Variants in KIF1A observed in about 807,000 individuals in gnomAD.
The protein encoded by KIF1A is kinesin-like protein KIF1A.
A neutral mutation model predicts 227.3 loss-of-function variants in KIF1A; 46 were observed. That is an observed-to-expected ratio of 0.20 (90% CI 0.16 to 0.26). The LOEUF is 0.26. Ranked by LOEUF, KIF1A falls within the 10% of genes least tolerant of loss-of-function variation. The probability of loss-of-function intolerance (pLI) is 1.00; values close to 1 mark genes in which losing one functional copy is unlikely to be tolerated. For synonymous variants in KIF1A, 1,022 were observed against 1,012.8 expected (o/e 1.01, Z -0.17); for missense variants, 1,683 against 2,485.9 (o/e 0.68, Z 6.87).
In KIF1A at chr2:240,725,293, C is replaced by T. The variant is rs926294483; in HGVS notation, c.4234G>A (p.Gly1412Arg). The T allele has an allele frequency of 6.2e-7, 1 of 1,607,338 alleles. No homozygotes were observed. The highest frequency in any genetic ancestry group is 8.5e-7 in the Non-Finnish European group (1 of 1,177,556). Reference protein sequence around the residue: ...SRSIRNLFGSGSLRASESNRV... With the variant: ...SRSIRNLFGSRSLRASESNRV... ...TACCTCTCTGAGGCCCGAAGGCTCC[C>T]ACTGCCAAAGAGGTTGCGGATGGAG... Residue 1412 changes from glycine to arginine, a missense_variant, in exon 40 of 49, where the codon GGG (glycine) becomes AGG (arginine). Gly to Arg is a moderately radical substitution (Grantham distance 125). This residue lies in a region of KIF1A where 759 missense variants were observed against 1,020.2 expected (regional missense o/e 0.74). Transcript: ENST00000498729. This position sits in a 1 kb window ranked among gnomAD's most constrained non-coding sequence, Gnocchi z 5.8.
chr2:240,722,763 C>T (rs2045558566), intron 42 of KIF1A, 107 bp from the exon 43 acceptor site: 3 of 863,210 alleles, frequency 3.5e-6, no homozygotes, highest in East Asian at 5.6e-5. Flanking sequence ...CCGGAGAGCC[C>T]ACCCTCCCCT....
intron 2 of KIF1A, among the ~76,000 whole-genome samples, chr2:240,795,617 C>T (rs946080332): frequency 6.6e-6 from 1 of 152,192 alleles, no homozygotes; most frequent in Non-Finnish European, 1.5e-5. Flanking sequence ...AACGCTGGCT[C>T]ACCTCCAGGC....
In KIF1A at chr2:240,717,249, T is replaced by G; in HGVS notation, c.*115A>C. ...CCTGGCATGGGCGTCCCCTGGGGGG[T>G]CGACCCGGTCGTGGGCTGTCTGGCA... On this transcript the variant is annotated 3_prime_UTR_variant, in exon 49 of 49. Transcript: ENST00000498729. 4 of 1,008,658 alleles carry G rather than the reference T, an allele frequency of 4.0e-6. No homozygotes were observed. Among genetic ancestry groups the G allele is most frequent in the South Asian group, 1.5e-5 (1 of 67,334 alleles). 62.5% of individuals were successfully genotyped at this position (1,008,658 alleles called of 1,614,324 possible). A position where few individuals can be genotyped will look rare whatever the true frequency, so the allele number is the denominator to read the frequency against.
intron 48 of KIF1A, 60 bp from the exon 49 acceptor site, chr2:240,717,466 A>C: frequency 5.3e-6 from 8 of 1,519,338 alleles, no homozygotes; most frequent in East Asian, 2.3e-5. Context: ...GGCCATATCC[A>C]CCGTGCCCTG....
At position 240,778,800 on chromosome 2, in the gene KIF1A, CCCA is replaced by C. The variant is rs779692068; in HGVS notation, c.883-2877_883-2875del. 2.2e-4 allele frequency among the ~76,000 whole-genome samples: 34 copies of C among 152,194 alleles called. No individual in the cohort carries two copies. Among genetic ancestry groups the C allele is most frequent in the African/African-American group, 2.7e-4 (11 of 41,502 alleles). ...TTCCACACACGGTTCCTCACCGCTCCCCACGTTTCCCAAACAGCTCCTCCCGCC... is the reference window on the plus strand; with the variant it reads ...TTCCACACACGGTTCCTCACCGCTCCCGTTTCCCAAACAGCTCCTCCCGCC... On this transcript the variant is annotated intron_variant, in intron 10 of 48. Transcript: ENST00000498729. The surrounding 1 kb of genome is among the most constrained non-coding windows in gnomAD (Gnocchi z 7.2).
intron 44 of KIF1A, among the ~76,000 whole-genome samples, chr2:240,721,303 G>T (rs906833591): frequency 9.2e-5 from 14 of 152,240 alleles, no homozygotes; most frequent in African/African-American, 3.4e-4. Flanking sequence ...AGTGGGCTGG[G>T]TAAGCTCTGC....
chr2:240,819,088 C>T (rs997368518), intron 1 of KIF1A: 1 of 152,070 alleles, frequency 6.6e-6, no homozygotes, highest in Non-Finnish European at 1.5e-5. Flanking sequence ...CCGGCAGGGC[C>T]CCCCCAACCC....
In KIF1A at chr2:240,793,708, A is replaced by G. The variant is rs530631524; in HGVS notation, c.106+3939T>C. On this transcript the variant is annotated intron_variant, in intron 2 of 48. Transcript: ENST00000498729. The surrounding 1 kb of genome is among the most constrained non-coding windows in gnomAD (Gnocchi z 4.8). ...TGTGTTCAAATGAAGAGGATTATTT[A>G]TGCAGGTGATGATTACGGGATAACA... Among the ~76,000 whole-genome samples, 2 of 152,352 alleles carry G rather than the reference A, an allele frequency of 1.3e-5. No individual in the cohort carries two copies. The highest frequency in any genetic ancestry group is 4.8e-5 in the African/African-American group (2 of 41,584).
intron 12 of KIF1A, among the ~76,000 whole-genome samples, chr2:240,773,708 T>G (rs767635637): frequency 6.6e-6 from 1 of 152,190 alleles, no homozygotes; most frequent in Non-Finnish European, 1.5e-5. Context: ...CGCCCTTTGT[T>G]TCTCTTAAGC....
At position 240,719,116 on chromosome 2, in the gene KIF1A, G is replaced by A. The variant is rs1434444226; in HGVS notation, c.5104C>T (p.Arg1702Cys). Reference sequence around the variant, plus strand: ...CTGTTGTACATGTAGGCATAGGGGCGCCGCACCACCACGAAGCGCCTGGCC... The same window carrying A: ...CTGTTGTACATGTAGGCATAGGGGCACCGCACCACCACGAAGCGCCTGGCC... Reference protein sequence around the residue: ...GWARRFVVVRRPYAYMYNSDK... With the variant: ...GWARRFVVVRCPYAYMYNSDK... Residue 1702 changes from arginine to cysteine, a missense_variant, in exon 47 of 49, where the codon CGC (arginine) becomes TGC (cysteine). Around this residue, in one of 12 missense-constraint regions of KIF1A, gnomAD observed 384 missense variants for 410.1 expected, o/e 0.94. Transcript: ENST00000498729. 3.7e-6 allele frequency: 6 copies of A among 1,612,498 alleles called. No homozygotes were observed. The highest frequency in any genetic ancestry group is 5.1e-6 in the Non-Finnish European group (6 of 1,179,712).
At chr2:240,811,136 C>A (rs2126228578) in intron 1 of KIF1A, among the ~76,000 whole-genome samples, 1 of 152,216 alleles carries the variant, frequency 6.6e-6, no homozygotes, top group East Asian at 1.9e-4. Flanking sequence ...CCGAGGTGGG[C>A]AGATCACTTG....
Position 240,788,034 on chromosome 2 carries a change from C to CCCCCCCCCCCTCGGGGCG in KIF1A, c.363+16_363+17insCGCCCCGAGGGGGGGGGG. The stretch of plus-strand genomic sequence containing the variant: ...CCCATCTGCCAGGGCTGCCCCCGCC[C>CCCCCCCCCCCTCGGGGCG]GCCCCCCGCTTCGTGCCTGTGGGAT... On this transcript the variant is annotated intron_variant, in intron 4 of 48. Coordinates refer to ENST00000498729, the MANE Select transcript of KIF1A (RefSeq NM_001244008.2). This position sits in a 1 kb window ranked among gnomAD's most constrained non-coding sequence, Gnocchi z 6.6. 1.4e-6 allele frequency: 2 copies of CCCCCCCCCCCTCGGGGCG among 1,449,058 alleles called. No homozygotes were observed. Among genetic ancestry groups the CCCCCCCCCCCTCGGGGCG allele is most frequent in the Non-Finnish European group, 1.9e-6 (2 of 1,059,096 alleles). 89.8% of individuals were successfully genotyped at this position (1,449,058 alleles called of 1,614,324 possible).
Position 240,766,749 on chromosome 2 carries a change from T to TCTCACA in KIF1A, c.1684+165_1684+166insTGTGAG, listed in dbSNP as rs1454271542. Reference sequence around the variant, plus strand: ...CTCTCTCTCTCTCTCTCTCTCTCTCTCACACACACACACACACACACACAC... The same window carrying TCTCACA: ...CTCTCTCTCTCTCTCTCTCTCTCTCTCTCACACACACACACACACACACACACACAC... On this transcript the variant is annotated intron_variant, in intron 19 of 48. Coordinates refer to ENST00000498729, the MANE Select transcript of KIF1A (RefSeq NM_001244008.2). The surrounding 1 kb of genome is among the most constrained non-coding windows in gnomAD (Gnocchi z 5.0). 4.3e-3 allele frequency among the ~76,000 whole-genome samples: 471 copies of TCTCACA among 109,002 alleles called. 2 individuals are homozygous for TCTCACA. The highest frequency in any genetic ancestry group is 0.013 in the African/African-American group (325 of 24,150). 71.5% of individuals were successfully genotyped at this position (109,002 alleles called of 152,430 possible). A position where few individuals can be genotyped will look rare whatever the true frequency, so the allele number is the denominator to read the frequency against.
Position 240,751,769 on chromosome 2 carries a change from C to T in KIF1A, c.2859-1222G>A, listed in dbSNP as rs975242874. Among the ~76,000 whole-genome samples, 4 of 152,114 alleles carry T rather than the reference C, an allele frequency of 2.6e-5. No homozygotes were observed. In the South Asian group the frequency reaches 6.2e-4, roughly 24 times the overall value. On this transcript the variant is annotated intron_variant, in intron 27 of 48. Transcript: ENST00000498729. Reference sequence around the variant, plus strand: ...GGCCCTGGGGGTCCAGGCCCTGCCTCCCCAGCACAGTCAAGCTCAGCCTTG... The same window carrying T: ...GGCCCTGGGGGTCCAGGCCCTGCCTTCCCAGCACAGTCAAGCTCAGCCTTG...
chr2:240,727,407 C>G (rs1192501690), intron 38 of KIF1A, among the ~76,000 whole-genome samples: 1 of 152,114 alleles, frequency 6.6e-6, no homozygotes. Flanking sequence ...CGGGCCCACC[C>G]CAGCCTCAGT....
chr2:240,771,026 A>AGGCTGGACACGGAGGCCGCGC lies in KIF1A; in HGVS notation c.1265_1285dup (p.Arg422_Ser428dup), dbSNP rs1575600586. On this transcript the variant is annotated inframe_insertion, in exon 15 of 49. Coordinates refer to ENST00000498729, the MANE Select transcript of KIF1A (RefSeq NM_001244008.2). ...CGGGGCAAACAAGATGCGCTCGTGG[A>AGGCTGGACACGGAGGCCGCGC]GGCTGGACACGGAGGCCGCGCGGCT... is the stretch of plus-strand genomic sequence containing the variant. 1.2e-6 allele frequency: 2 copies of AGGCTGGACACGGAGGCCGCGC among 1,613,068 alleles called. No homozygotes were observed. The highest frequency in any genetic ancestry group is 1.1e-5 in the South Asian group (1 of 91,076).
rs376552408 is a variant in KIF1A, at chr2:240,782,582, C to T, written c.882+8G>A. ...GCACCTGCCCCGGGGCTGAAGGAAG[C>T]CGCTTACCTTGTTGGGTCCGGAGTC... On this transcript the variant is annotated splice_region_variant and intron_variant, in intron 10 of 48. Coordinates refer to ENST00000498729, the MANE Select transcript of KIF1A (RefSeq NM_001244008.2). 496 of 1,552,372 alleles carry T rather than the reference C, an allele frequency of 3.2e-4. No individual in the cohort carries two copies. The highest frequency in any genetic ancestry group is 4.0e-4 in the Non-Finnish European group (458 of 1,147,830).
Position 240,787,330 on chromosome 2 carries a change from G to A in KIF1A, c.364-14C>T, listed in dbSNP as rs376290711. ...GTCCTCGCAGAGCTGCAGGAATGGG[G>A]GGACAGTCAGCCAGGGAGGGCTGGG... On this transcript the variant is annotated splice_polypyrimidine_tract_variant and intron_variant, in intron 4 of 48. Transcript: ENST00000498729. 2 of 1,611,918 alleles carry A rather than the reference G, an allele frequency of 1.2e-6. No individual in the cohort carries two copies. Among genetic ancestry groups the A allele is most frequent in the Non-Finnish European group, 8.5e-7 (1 of 1,178,818 alleles).
chr2:240,733,487 G>A (rs3772051), intron 38 of KIF1A, among the ~76,000 whole-genome samples: 38,551 of 152,120 alleles, frequency 0.25, 5,454 homozygotes, highest in African/African-American at 0.39. Context: ...CCCCAGGGAG[G>A]GCTGGTGCGG....
Sources: allele counts gnomAD v4.1 joint callset (sites outside exome capture counted in the v4.1 genomes callset), GRCh38; gene constraint gnomAD v4.1.1; regional missense constraint gnomAD v4.1.1; non-coding constraint Gnocchi (gnomAD v3.1); transcripts MANE v1.5; gene names NCBI Gene and HGNC (gene_info 2026-07-23, HGNC 2026-07-21).